MTUS2: variants seen among roughly 807,000 people sequenced by gnomAD.
MTUS2 encodes the protein microtubule-associated tumor suppressor candidate 2.
Under a neutral mutation model 114.1 loss-of-function variants are expected in MTUS2, and 40 were observed. That is an observed-to-expected ratio of 0.35 (90% CI 0.27 to 0.46). MTUS2 has a LOEUF of 0.46. Ranked by LOEUF, MTUS2 falls within the 20% of genes least tolerant of loss-of-function variation. The pLI, the probability that MTUS2 is intolerant of heterozygous loss-of-function variation, is 1.00. For missense variants in MTUS2, 1,679 were observed against 1,705.4 expected (o/e 0.98, Z 0.27); for synonymous variants, 688 against 672.0 (o/e 1.02, Z -0.37).
chr13:29,468,633 G>A (rs1238203706), intron 9 of MTUS2, among the ~76,000 whole-genome samples: 1 of 151,626 alleles, frequency 6.6e-6, no homozygotes, highest in Admixed American at 6.6e-5. Flanking sequence ...TTGAACACCT[G>A]GACTGAGTCC....
intron 2 of MTUS2, among the ~76,000 whole-genome samples, chr13:29,015,708 T>C (rs1018613731): frequency 3.3e-5 from 5 of 152,170 alleles, no homozygotes; most frequent in African/African-American, 1.2e-4. Flanking sequence ...TAAGGGGAAC[T>C]GGTGAATAGA....
chr13:29,389,344 CGT>C (rs10538350), intron 8 of MTUS2, among the ~76,000 whole-genome samples: 2,364 of 55,940 alleles, frequency 0.042, 512 homozygotes, highest in African/African-American at 0.19. Flanking sequence ...TATGTATGCA[CGT>C]GTGTGTATAT....
chr13:29,282,059 C>T (rs1394622756), intron 6 of MTUS2, among the ~76,000 whole-genome samples, 194 bp downstream of exon 6: 1 of 152,270 alleles, frequency 6.6e-6, no homozygotes, highest in African/African-American at 2.4e-5. Context: ...CTGCCTCTCA[C>T]TCTTCCCATG....
intron 13 of MTUS2, 98 bp from the exon 14 acceptor site, chr13:29,498,320 G>T (rs1170916895): frequency 3.6e-5 from 56 of 1,547,244 alleles, no homozygotes; most frequent in Non-Finnish European, 4.7e-5. Flanking sequence ...CAGGGCGCTT[G>T]TCCCAGGAGG....
At chr13:29,429,437 T>C (rs1876827674) in intron 8 of MTUS2, among the ~76,000 whole-genome samples, 1 of 152,198 alleles carries the variant, frequency 6.6e-6, no homozygotes, top group African/African-American at 2.4e-5. Flanking sequence ...TGAATAAACA[T>C]AGAAGTGAAA....
chr13:29,308,255 G>A (rs1899575043), intron 6 of MTUS2, among the ~76,000 whole-genome samples: 1 of 152,102 alleles, frequency 6.6e-6, no homozygotes, highest in African/African-American at 2.4e-5. Flanking sequence ...AAGACCACAT[G>A]CCTCCAGCCA....
At chr13:29,192,247 T>C (rs531141548) in intron 5 of MTUS2, among the ~76,000 whole-genome samples, 72 of 152,326 alleles carry the variant, frequency 4.7e-4, no homozygotes, top group Non-Finnish European at 7.9e-4. Flanking sequence ...AAGGTTTGGG[T>C]TACTAAGTAT....
In MTUS2 at chr13:29,033,903, AAAG is replaced by A; in HGVS notation, c.2229_2231del (p.Glu744del). ...ATCATAGGTTACAGACCACCCTGGAAAAGAAGAGTTTTGTTCTCCTCCCTATGC... is the reference window on the plus strand; with the variant it reads ...ATCATAGGTTACAGACCACCCTGGAAAAGAGTTTTGTTCTCCTCCCTATGC... On this transcript the variant is annotated inframe_deletion, in exon 4 of 16. Coordinates refer to ENST00000612955, the MANE Select transcript of MTUS2 (RefSeq NM_001033602.4). 1 of 1,614,004 alleles carries A rather than the reference AAAG, an allele frequency of 6.2e-7. No homozygotes were observed. The highest frequency in any genetic ancestry group is 8.5e-7 in the Non-Finnish European group (1 of 1,179,886).
At position 29,024,565 on chromosome 13, in the gene MTUS2, C is replaced by A; in HGVS notation, c.-134C>A. ...CAAGCTGTTCTGAGAATGATTAAAG[C>A]AGTGTCGCAAGGTGACATTGTCAGG... On this transcript the variant is annotated 5_prime_UTR_variant, in exon 3 of 16. Coordinates refer to ENST00000612955, the MANE Select transcript of MTUS2 (RefSeq NM_001033602.4). The A allele has an allele frequency of 3.9e-6, 4 of 1,033,090 alleles. No individual in the cohort carries two copies. The highest frequency in any genetic ancestry group is 5.7e-6 in the Non-Finnish European group (4 of 702,160). The allele number at this position is 1,033,090 out of a possible 1,614,324, so 64.0% of individuals were successfully genotyped here. A position where few individuals can be genotyped will look rare whatever the true frequency, so the allele number is the denominator to read the frequency against.
chr13:28,918,932 C>A (rs1880894153), intron 2 of MTUS2, among the ~76,000 whole-genome samples: 1 of 151,984 alleles, frequency 6.6e-6, no homozygotes, highest in Non-Finnish European at 1.5e-5. Flanking sequence ...ATTGCATAAA[C>A]AAACAAGCAA....
intron 2 of MTUS2, among the ~76,000 whole-genome samples, chr13:28,893,428 A>G (rs933417365): frequency 2.6e-5 from 4 of 152,200 alleles, no homozygotes; most frequent in African/African-American, 9.7e-5. Flanking sequence ...CAAGGAAACA[A>G]TAAGAATGAT....
intron 5 of MTUS2, among the ~76,000 whole-genome samples, chr13:29,197,830 A>C (rs1422818026): frequency 6.6e-6 from 1 of 152,050 alleles, no homozygotes; most frequent in Non-Finnish European, 1.5e-5. Flanking sequence ...GCGTTTTTTC[A>C]TATGTTTGTT....
At chr13:29,222,623 A>G (rs990459310) in intron 5 of MTUS2, among the ~76,000 whole-genome samples, 1 of 152,240 alleles carries the variant, frequency 6.6e-6, no homozygotes, top group African/African-American at 2.4e-5. Flanking sequence ...CCACAGAGCC[A>G]GCAGGAGCCA....
At chr13:29,051,471 A>G (rs1887894174) in intron 4 of MTUS2, among the ~76,000 whole-genome samples, 1 of 152,126 alleles carries the variant, frequency 6.6e-6, no homozygotes, top group Admixed American at 6.6e-5. Flanking sequence ...TCAGGGCTGG[A>G]GATTGAAATC....
chr13:28,941,511 G>A (rs867942296), intron 2 of MTUS2, among the ~76,000 whole-genome samples: 1 of 151,904 alleles, frequency 6.6e-6, no homozygotes, highest in Non-Finnish European at 1.5e-5. Context: ...TGCAAAATTT[G>A]TCTTAAAATT....
chr13:28,860,106 T>C (rs1272307818), intron 2 of MTUS2, among the ~76,000 whole-genome samples: 1 of 152,238 alleles, frequency 6.6e-6, no homozygotes, highest in Admixed American at 6.5e-5. Flanking sequence ...TATGATGTTC[T>C]GCCATCTGCA....
At chr13:29,294,382 T>C (rs547133703) in intron 6 of MTUS2, among the ~76,000 whole-genome samples, 36 of 152,214 alleles carry the variant, frequency 2.4e-4, no homozygotes, top group Non-Finnish European at 4.3e-4. Context: ...TAACCATAGT[T>C]TGGAGAACTG....
chr13:29,214,163 T>A (rs1370730662), intron 5 of MTUS2, among the ~76,000 whole-genome samples: 1 of 137,396 alleles, frequency 7.3e-6, no homozygotes, highest in Non-Finnish European at 1.5e-5. Context: ...ACATATGTTA[T>A]GAACCTATAC....
At chr13:29,202,861 C>T (rs1166037853) in intron 5 of MTUS2, among the ~76,000 whole-genome samples, 1 of 152,220 alleles carries the variant, frequency 6.6e-6, no homozygotes, top group Non-Finnish European at 1.5e-5. Flanking sequence ...AAGATTGCTG[C>T]CTGTTCCTTC....
Sources: gnomAD v4.1 joint callset for allele counts (sites outside exome capture counted in the v4.1 genomes callset) on GRCh38, gnomAD v4.1.1 for gene constraint, MANE v1.5 for transcripts, NCBI Gene and HGNC (gene_info 2026-07-23, HGNC 2026-07-21) for gene names.